MAF: variants seen among roughly 807,000 people sequenced by gnomAD.
MAF encodes the protein MAF bZIP transcription factor.
In MAF, 10 loss-of-function variants were observed where a neutral mutation model predicts 22.0. The ratio of observed to expected loss-of-function variants is 0.45; its 90% CI spans 0.28 to 0.77. The LOEUF (loss-of-function observed/expected upper bound fraction) is 0.77, where lower values mean the gene tolerates loss of function less well. Ranked by LOEUF, MAF falls within the 30% of genes least tolerant of loss-of-function variation. The probability of loss-of-function intolerance (pLI) is 0.12; values close to 1 mark genes in which losing one functional copy is unlikely to be tolerated. For missense variants in MAF, 544 were observed against 548.4 expected, an observed-to-expected ratio of 0.99 and a Z score of 0.08; for synonymous variants, 337 against 255.8, an observed-to-expected ratio of 1.32 and a Z score of -3.03.
At chr16:79,558,784 A>T in the MAF span, among the ~76,000 whole-genome samples, 1 of 151,950 alleles carries the variant, frequency 6.6e-6, no homozygotes, top group Non-Finnish European at 1.5e-5. Context: ...AAAACAAAAC[A>T]ATTTTCCCTG....
chr16:79,419,589 T>C, the MAF span, among the ~76,000 whole-genome samples: 9 of 152,176 alleles, frequency 5.9e-5, no homozygotes, highest in African/African-American at 1.9e-4. Context: ...TTATCTTCCA[T>C]GTCTGTTCTG....
At chr16:79,414,610 A>G in the MAF span, among the ~76,000 whole-genome samples, 1 of 152,214 alleles carries the variant, frequency 6.6e-6, no homozygotes, top group Non-Finnish European at 1.5e-5. Flanking sequence ...TCAGTGGGAT[A>G]CAGAGGTAAA....
At chr16:79,487,207 A>C in the MAF span, among the ~76,000 whole-genome samples, 4 of 37,712 alleles carry the variant, frequency 1.1e-4, no homozygotes, top group African/African-American at 3.8e-4. Flanking sequence ...GAACTAGTGC[A>C]AAAAAAAAAA....
chr16:79,249,151 G>A, the MAF span, among the ~76,000 whole-genome samples: 2 of 152,116 alleles, frequency 1.3e-5, no homozygotes, highest in African/African-American at 4.8e-5. Flanking sequence ...CGGGTGCGGT[G>A]GCTCACGCCT....
chr16:79,312,700 G>T, the MAF span, among the ~76,000 whole-genome samples: 1 of 152,186 alleles, frequency 6.6e-6, no homozygotes, highest in Non-Finnish European at 1.5e-5. Flanking sequence ...CCAGTGAGCC[G>T]CTACTTTCAT....
chr16:79,295,914 C>A, the MAF span, among the ~76,000 whole-genome samples: 4 of 152,230 alleles, frequency 2.6e-5, no homozygotes, highest in African/African-American at 9.6e-5. Flanking sequence ...GCAATGTTTG[C>A]ATTCTGCTGT....
the MAF span, among the ~76,000 whole-genome samples, chr16:79,533,685 G>T: frequency 6.6e-6 from 1 of 152,102 alleles, no homozygotes; most frequent in African/African-American, 2.4e-5. Context: ...AAATAACAGA[G>T]ATCCATTCCT....
the MAF span, among the ~76,000 whole-genome samples, chr16:79,391,905 G>C: frequency 6.8e-6 from 1 of 146,648 alleles, no homozygotes; most frequent in African/African-American, 2.5e-5. Flanking sequence ...GGAGCAGGAG[G>C]AGGAGAAGGA....
chr16:79,266,672 C>G, the MAF span, among the ~76,000 whole-genome samples: 1 of 152,156 alleles, frequency 6.6e-6, no homozygotes, highest in African/African-American at 2.4e-5. Flanking sequence ...CATCTTGAGA[C>G]ATGAGGGAGA....
At chr16:79,294,930 C>T in the MAF span, among the ~76,000 whole-genome samples, 1 of 152,216 alleles carries the variant, frequency 6.6e-6, no homozygotes, top group Non-Finnish European at 1.5e-5. Flanking sequence ...GAGGGTTTCT[C>T]ATGTTTCCAT....
At chr16:79,483,861 A>G in the MAF span, among the ~76,000 whole-genome samples, 1 of 152,296 alleles carries the variant, frequency 6.6e-6, no homozygotes, top group South Asian at 2.1e-4. Context: ...TTCGACAGGC[A>G]GAGTGATATG....
At chr16:79,282,397 C>T in the MAF span, among the ~76,000 whole-genome samples, 1 of 152,130 alleles carries the variant, frequency 6.6e-6, no homozygotes, top group African/African-American at 2.4e-5. Flanking sequence ...CCAGAATAAC[C>T]ACTAATGTAG....
chr16:79,313,540 T>C, the MAF span, among the ~76,000 whole-genome samples: 1 of 152,180 alleles, frequency 6.6e-6, no homozygotes, highest in South Asian at 2.1e-4. Flanking sequence ...TTCATTTTGT[T>C]CTCAAACACT....
the MAF span, among the ~76,000 whole-genome samples, chr16:79,575,675 G>T: frequency 6.6e-6 from 1 of 152,180 alleles, no homozygotes; most frequent in Non-Finnish European, 1.5e-5. Flanking sequence ...TGTGCAAAAA[G>T]AGAAAAGGGA....
chr16:79,592,849 A>G (rs1913264576), downstream of MAF, among the ~76,000 whole-genome samples: 1 of 152,224 alleles, frequency 6.6e-6, no homozygotes, highest in African/African-American at 2.4e-5. Flanking sequence ...TTATTTTTCA[A>G]AAATCAAATG....
the MAF span, among the ~76,000 whole-genome samples, chr16:79,297,899 A>C: frequency 4.5e-4 from 69 of 152,282 alleles, no homozygotes; most frequent in Middle Eastern, 3.4e-3. Flanking sequence ...TCACCTGGGG[A>C]GCCCCACCCA....
the MAF span, chr16:79,206,193 G>A: frequency 6.6e-6 from 1 of 152,188 alleles, no homozygotes; most frequent in African/African-American, 2.4e-5. Context: ...TTCATTTTAG[G>A]CCATGTTAGG....
At chr16:79,538,291 T>C in the MAF span, among the ~76,000 whole-genome samples, 1 of 152,242 alleles carries the variant, frequency 6.6e-6, no homozygotes, top group Admixed American at 6.5e-5. Flanking sequence ...CAGTACAAGA[T>C]GCATATACAA....
chr16:79,333,921 T>A, the MAF span, among the ~76,000 whole-genome samples: 1 of 152,142 alleles, frequency 6.6e-6, no homozygotes, highest in Non-Finnish European at 1.5e-5. Flanking sequence ...TGATGCCGGA[T>A]CGCAGCATCT....
Sources: gnomAD v4.1 joint callset for allele counts (sites outside exome capture counted in the v4.1 genomes callset) on GRCh38, gnomAD v4.1.1 for gene constraint, MANE v1.5 for transcripts, NCBI Gene and HGNC (gene_info 2026-07-23, HGNC 2026-07-21) for gene names.